MGAT4A: variants seen among roughly 807,000 people sequenced by gnomAD.
MGAT4A encodes the protein alpha-1,3-mannosyl-glycoprotein 4-beta-N-acetylglucosaminyltransferase A, also known as N-acetylglucosaminyltransferase IVa.
In MGAT4A, 33 loss-of-function variants were observed where a neutral mutation model predicts 74.1. The observed-to-expected ratio is 0.45, with a 90% confidence interval of 0.34 to 0.60. The LOEUF (loss-of-function observed/expected upper bound fraction) is 0.60. MGAT4A is among the 20% of genes least tolerant of loss of function. The pLI is 0.02. For missense variants in MGAT4A, 479 were observed against 628.3 expected (o/e 0.76, Z 2.54); for synonymous variants, 198 against 210.4 (o/e 0.94, Z 0.51).
chr2:98,623,021 A>G lies in MGAT4A; in HGVS notation c.*2545T>C. On this transcript the variant is annotated 3_prime_UTR_variant, in exon 16 of 16. Coordinates refer to ENST00000393487, the MANE Select transcript of MGAT4A (RefSeq NM_012214.3). ...CAACAAAGCGAGACCCTGTCTCAAA[A>G]ATAATACAAAATGATAAAAAGAGAA... The G allele has an allele frequency of 1.0e-6, 1 of 985,616 alleles. No homozygotes were observed. The highest frequency in any genetic ancestry group is 1.2e-6 in the Non-Finnish European group (1 of 830,102). The allele number at this position is 985,616 out of a possible 1,614,324, so 61.1% of individuals were successfully genotyped here. A position where few individuals can be genotyped will look rare whatever the true frequency, so the allele number is the denominator to read the frequency against.
rs1439152243 is a variant in MGAT4A, at chr2:98,731,089, C to T, written c.-277G>A. ...CGTGCTCCCGCGGCTGCCGGCGGAG[C>T]TGCTGTAGCCGCCGCCGCCGCTGCC... On this transcript the variant is annotated 5_prime_UTR_variant, in exon 1 of 16. Transcript: ENST00000393487. The surrounding 1 kb of genome is among the most constrained non-coding windows in gnomAD (Gnocchi z 4.8). 1.4e-5 allele frequency: 2 copies of T among 139,256 alleles called. No individual in the cohort carries two copies. Among genetic ancestry groups the T allele is most frequent in the African/African-American group, 5.3e-5 (2 of 37,718 alleles). 8.6% of individuals were successfully genotyped at this position (139,256 alleles called of 1,614,324 possible).
At chr2:98,655,349 G>A in intron 8 of MGAT4A, 96 bp downstream of exon 8, 2 of 854,108 alleles carry the variant, frequency 2.3e-6, no homozygotes, top group Non-Finnish European at 3.7e-6. Flanking sequence ...ATCTCAGAGG[G>A]TTTGCACTTT....
At chr2:98,654,004 C>T (rs1701620658) in intron 8 of MGAT4A, among the ~76,000 whole-genome samples, 1 of 152,052 alleles carries the variant, frequency 6.6e-6, no homozygotes, top group South Asian at 2.1e-4. Flanking sequence ...GATCGTTCAA[C>T]ACACAAAAAT....
chr2:98,668,328 C>T (rs1575260045), intron 4 of MGAT4A, among the ~76,000 whole-genome samples: 1 of 152,338 alleles, frequency 6.6e-6, no homozygotes, highest in South Asian at 2.1e-4. Context: ...CCAGCCACTC[C>T]AGCCTTGACT....
At chr2:98,633,877 G>C (rs1227419873) in intron 14 of MGAT4A, among the ~76,000 whole-genome samples, 2 of 152,072 alleles carry the variant, frequency 1.3e-5, no homozygotes, top group African/African-American at 4.8e-5. Flanking sequence ...TCTAGAGATG[G>C]GCTAAGATAC....
intron 2 of MGAT4A, among the ~76,000 whole-genome samples, chr2:98,690,551 G>A (rs1357891688): frequency 6.6e-6 from 1 of 152,110 alleles, no homozygotes; most frequent in African/African-American, 2.4e-5. Context: ...GACAGACAAT[G>A]TAAATAAAAG....
rs564549101 is a variant in MGAT4A at position 98,712,556 on chromosome 2, C to G, written c.94+13683G>C. ...TGCCCCTTTGTGACAACTCATAGAG[C>G]TGTACACTTATGATTTGTGCACTTT... On this transcript the variant is annotated intron_variant, in intron 2 of 15. Transcript: ENST00000393487. Among the ~76,000 whole-genome samples, 35 of 152,322 alleles carry G rather than the reference C, an allele frequency of 2.3e-4. 2 individuals carry two copies. In the East Asian group the frequency reaches 2.7e-3, roughly 12 times the overall value.
intron 2 of MGAT4A, among the ~76,000 whole-genome samples, chr2:98,724,681 C>A (rs1329298133): frequency 2.0e-5 from 3 of 151,266 alleles, no homozygotes; most frequent in Admixed American, 2.0e-4. Context: ...ACATAAGAAA[C>A]AAGGAAAATT....
intron 5 of MGAT4A, among the ~76,000 whole-genome samples, chr2:98,658,700 A>C (rs1701698234): frequency 6.6e-6 from 1 of 152,222 alleles, no homozygotes; most frequent in Admixed American, 6.5e-5. Context: ...TATTCTATGA[A>C]AAAAAGGAAA....
intron 4 of MGAT4A, among the ~76,000 whole-genome samples, chr2:98,665,534 G>A (rs963429250): frequency 1.7e-4 from 26 of 152,148 alleles, no homozygotes; most frequent in Middle Eastern, 6.8e-3. Context: ...ATGAGACTCC[G>A]TCCCCCCAAA....
intron 14 of MGAT4A, among the ~76,000 whole-genome samples, chr2:98,629,568 T>C (rs1303131270): frequency 1.3e-5 from 2 of 152,116 alleles, no homozygotes; most frequent in African/African-American, 2.4e-5. Context: ...AAATGATAAG[T>C]AGTTCATCAA....
At chr2:98,662,986 T>TA in intron 5 of MGAT4A, 60 bp downstream of exon 5, 2 of 1,247,010 alleles carry the variant, frequency 1.6e-6, no homozygotes, top group Non-Finnish European at 2.1e-6. Flanking sequence ...AATATTCAAT[T>TA]AGAGTTTCAA....
intron 2 of MGAT4A, among the ~76,000 whole-genome samples, chr2:98,690,491 G>A (rs1046429655): frequency 1.3e-4 from 20 of 152,154 alleles, no homozygotes; most frequent in Admixed American, 9.8e-4. Flanking sequence ...AGCATAATGA[G>A]GTGGCACAGC....
Position 98,620,641 on chromosome 2 carries a change from G to C in MGAT4A, c.*4925C>G, listed in dbSNP as rs920877969. 6.6e-6 allele frequency: 1 copy of C among 152,138 alleles called. No homozygotes were observed. The highest frequency in any genetic ancestry group is 2.4e-5 in the African/African-American group (1 of 41,418). The allele number at this position is 152,138 out of a possible 1,614,324, so 9.4% of individuals were successfully genotyped here. ...TTTGATCTGTGCTAGATGATAAAAAGAGAAACTAAGTTTTGGTTAAAAAAA... is the reference window on the plus strand; with the variant it reads ...TTTGATCTGTGCTAGATGATAAAAACAGAAACTAAGTTTTGGTTAAAAAAA... On this transcript the variant is annotated 3_prime_UTR_variant, in exon 16 of 16. Coordinates refer to ENST00000393487, the MANE Select transcript of MGAT4A (RefSeq NM_012214.3).
chr2:98,658,239 A>C lies in MGAT4A; in HGVS notation c.563T>G (p.Val188Gly), dbSNP rs141841148. ...GETDIDYVHG[V>G]VANLEKEFSK... ...TTACTCTTTCTCCAGGTTGGCTACA[A>C]CACCATGTACATAATCAATATCTGT... Residue 188 changes from valine to glycine, a missense_variant, in exon 6 of 16, where the codon GTT becomes GGT. Physicochemically the swap from Val to Gly is moderately radical, Grantham distance 109 (BLOSUM62 -3). Around this residue, in one of 3 missense-constraint regions of MGAT4A, gnomAD observed 205 missense variants for 232.7 expected, o/e 0.88. Coordinates refer to ENST00000393487, the MANE Select transcript of MGAT4A (RefSeq NM_012214.3). The C allele has an allele frequency of 6.7e-5, 105 of 1,573,930 alleles. No homozygotes were observed. The highest frequency in any genetic ancestry group is 8.6e-5 in the Non-Finnish European group (99 of 1,154,914).
In MGAT4A at chr2:98,625,708, T is replaced by C; in HGVS notation, c.1581+15A>G. 4 of 1,592,354 alleles carry C rather than the reference T, an allele frequency of 2.5e-6. No homozygotes were observed. Among genetic ancestry groups the C allele is most frequent in the African/African-American group, 1.3e-5 (1 of 74,232 alleles). On this transcript the variant is annotated intron_variant, in intron 15 of 15. Coordinates refer to ENST00000393487, the MANE Select transcript of MGAT4A (RefSeq NM_012214.3). Reference sequence around the variant, plus strand: ...GTAGTTTCTAAGTTGTTTCACTGATTTGATATATGCTTACCTCATTAAGAA... The same window carrying C: ...GTAGTTTCTAAGTTGTTTCACTGATCTGATATATGCTTACCTCATTAAGAA...
At chr2:98,714,260 T>A (rs1440332465) in intron 2 of MGAT4A, among the ~76,000 whole-genome samples, 2 of 152,178 alleles carry the variant, frequency 1.3e-5, no homozygotes, top group Admixed American at 1.3e-4. Context: ...TAATTTTTTG[T>A]ATTTTTAGTA....
At chr2:98,644,472 A>G (rs984702852) in intron 9 of MGAT4A, among the ~76,000 whole-genome samples, 2 of 152,222 alleles carry the variant, frequency 1.3e-5, no homozygotes, top group African/African-American at 4.8e-5. Context: ...TTGCAAGTAA[A>G]GATGGTTTTT....
intron 12 of MGAT4A, among the ~76,000 whole-genome samples, chr2:98,637,748 C>T (rs1269692435): frequency 1.3e-5 from 2 of 152,134 alleles, no homozygotes; most frequent in Admixed American, 6.6e-5. Flanking sequence ...CACGAGTTTC[C>T]TCAGCTTTCT....
Sources: gnomAD v4.1 joint callset for allele counts (sites outside exome capture counted in the v4.1 genomes callset) on GRCh38, gnomAD v4.1.1 for gene constraint, gnomAD v4.1.1 regional missense constraint, Gnocchi (gnomAD v3.1) non-coding constraint, MANE v1.5 for transcripts, NCBI Gene and HGNC (gene_info 2026-07-23, HGNC 2026-07-21) for gene names.